The following OTOGL variants were observed in gnomAD, a reference collection of about 807,000 sequenced individuals.
The protein encoded by OTOGL is otogelin-like protein.
Under a neutral mutation model 318.5 loss-of-function variants are expected in OTOGL, and 285 were observed. The observed-to-expected ratio is 0.89, with a 90% CI of 0.81 to 0.99. The LOEUF (loss-of-function observed/expected upper bound fraction) is 0.99, where lower values mean the gene tolerates loss of function less well. Ranked by LOEUF, OTOGL falls within the 50% of genes least tolerant of loss-of-function variation. OTOGL has a pLI of 0.00. For synonymous variants in OTOGL, 987 were observed against 936.5 expected (o/e 1.05, Z -0.99); for missense variants, 2,899 against 2,845.6 (o/e 1.02, Z -0.43).
chr12:80,155,171 G>A (rs1306256694), intron 1 of OTOGL, among the ~76,000 whole-genome samples: 1 of 152,018 alleles, frequency 6.6e-6, no homozygotes, highest in Non-Finnish European at 1.5e-5. Flanking sequence ...GTATATTTTG[G>A]ATAACAATTC....
At chr12:80,300,446 G>A (rs374953100) in intron 27 of OTOGL, among the ~76,000 whole-genome samples, 19 of 152,176 alleles carry the variant, frequency 1.2e-4, no homozygotes, top group African/African-American at 2.9e-4. Context: ...GAGATTGGGC[G>A]GACAGCAGGA....
Position 80,358,890 on chromosome 12 carries a change from C to T in OTOGL, c.6257C>T (p.Thr2086Ile). ...ECNCENLIMP[T>I]CEVGEFTAID... ...AACTGTGAAAACCTTATTATGCCAA[C>T]TTGTGAAGTGGTAAGAACACATATT... Residue 2086 changes from threonine to isoleucine, a missense_variant, in exon 52 of 59, where the codon ACT becomes ATT. Physicochemically the swap from Thr to Ile is moderately conservative, Grantham distance 89 (BLOSUM62 -1). Coordinates refer to ENST00000547103, the MANE Select transcript of OTOGL (RefSeq NM_001378609.3). 6.7e-7 allele frequency: 1 copy of T among 1,496,576 alleles called. No individual in the cohort carries two copies. Among genetic ancestry groups the T allele is most frequent in the Non-Finnish European group, 9.0e-7 (1 of 1,111,260 alleles). 92.7% of individuals were successfully genotyped at this position (1,496,576 alleles called of 1,614,324 possible).
At chr12:80,158,564 A>G (rs1873280885) in intron 1 of OTOGL, among the ~76,000 whole-genome samples, 2 of 152,078 alleles carry the variant, frequency 1.3e-5, no homozygotes, top group African/African-American at 4.8e-5. Context: ...ATTTATATGT[A>G]CATTATATAT....
intron 52 of OTOGL, among the ~76,000 whole-genome samples, chr12:80,365,402 T>C (rs1430188785): frequency 6.6e-6 from 1 of 152,034 alleles, no homozygotes; most frequent in Non-Finnish European, 1.5e-5. Flanking sequence ...AAAAGCATAA[T>C]TGAATACGTG....
chr12:80,144,311 T>A (rs1208832697), intron 1 of OTOGL, among the ~76,000 whole-genome samples: 1 of 151,730 alleles, frequency 6.6e-6, no homozygotes, highest in Non-Finnish European at 1.5e-5. Context: ...CGGTGTTTGG[T>A]TTTTTGTTCT....
chr12:80,338,475 T>G (rs1334287775), intron 42 of OTOGL, among the ~76,000 whole-genome samples: 2 of 152,080 alleles, frequency 1.3e-5, no homozygotes, highest in African/African-American at 4.8e-5. Context: ...ATTGCCATTA[T>G]TTAAAGCACC....
At chr12:80,267,097 TG>T (rs1883036762) in intron 21 of OTOGL, among the ~76,000 whole-genome samples, 155 bp from the exon 22 acceptor site, 1 of 152,192 alleles carries the variant, frequency 6.6e-6, no homozygotes, top group Admixed American at 6.5e-5. Context: ...AAGCAGCTTT[TG>T]CCATTTGTGT....
intron 4 of OTOGL, among the ~76,000 whole-genome samples, chr12:80,213,329 A>G (rs1015896826): frequency 2.0e-5 from 3 of 152,218 alleles, no homozygotes; most frequent in Non-Finnish European, 4.4e-5. Context: ...GAGGACAACC[A>G]GAGGTTACTT....
At position 80,108,056 on chromosome 12, in the gene OTOGL, T is replaced by C. The variant is rs910592790; in HGVS notation, c.-20+8451T>C. ...ACACCAAACCCCATGACACGCAGTT[T>C]ACCTATTTAACAAACCTGCACATGT... On this transcript the variant is annotated intron_variant, in intron 1 of 58. Transcript: ENST00000547103. Among the ~76,000 whole-genome samples, 3 of 152,246 alleles carry C rather than the reference T, an allele frequency of 2.0e-5. No individual in the cohort carries two copies. In the East Asian group the frequency reaches 5.8e-4, roughly 29 times the overall value.
chr12:80,323,803 AG>A lies in OTOGL; in HGVS notation c.4163del (p.Ser1388MetfsTer6). 1 of 1,613,668 alleles carries A rather than the reference AG, an allele frequency of 6.2e-7. No homozygotes were observed. The highest frequency in any genetic ancestry group is 8.5e-7 in the Non-Finnish European group (1 of 1,179,542). ...TGCTACACCCTGTTTTAAAACATGT[AG>A]TGACCCTGAAGCACTAGCATGTAAA... The part of the protein sequence containing the change: ...PCATPCFKTC[S>X]DPEALACKFL... On this transcript the variant is annotated frameshift_variant, in exon 35 of 59. Transcript: ENST00000547103. LOFTEE classifies it high-confidence loss of function.
At chr12:80,267,537 T>C (rs1437240457) in intron 22 of OTOGL, among the ~76,000 whole-genome samples, 2 of 149,744 alleles carry the variant, frequency 1.3e-5, no homozygotes, top group Non-Finnish European at 3.0e-5. Context: ...TGAGTATATC[T>C]CCTAATGCTA....
At chr12:80,101,576 A>G (rs1357532302) in intron 1 of OTOGL, among the ~76,000 whole-genome samples, 1 of 152,236 alleles carries the variant, frequency 6.6e-6, no homozygotes, top group Non-Finnish European at 1.5e-5. Context: ...TAACATATTC[A>G]TCATGTAGAG....
chr12:80,366,530 T>TATAA (rs201357228), intron 52 of OTOGL, 44 bp from the exon 53 acceptor site: 9 of 355,358 alleles, frequency 2.5e-5, no homozygotes, highest in African/African-American at 1.7e-4. Flanking sequence ...TATATATATA[T>TATAA]AAAATAAGCT....
intron 34 of OTOGL, among the ~76,000 whole-genome samples, chr12:80,323,141 C>T (rs1292412592): frequency 3.0e-5 from 2 of 66,792 alleles, no homozygotes; most frequent in Non-Finnish European, 6.4e-5. Context: ...CACACACACA[C>T]ACACACATAT....
chr12:80,350,147 C>T (rs1270831923), intron 44 of OTOGL, among the ~76,000 whole-genome samples: 3 of 152,176 alleles, frequency 2.0e-5, no homozygotes, highest in African/African-American at 7.2e-5. Flanking sequence ...TGAGTGAGAT[C>T]ATGTAGTATT....
chr12:80,294,184 A>T (rs1048177728), intron 26 of OTOGL, among the ~76,000 whole-genome samples: 2 of 152,118 alleles, frequency 1.3e-5, no homozygotes, highest in African/African-American at 4.8e-5. Context: ...AACTTGAAAT[A>T]CATTAGAAAT....
chr12:80,378,521 T>C lies in OTOGL; in HGVS notation c.*473T>C, dbSNP rs1451093. On this transcript the variant is annotated 3_prime_UTR_variant, in exon 59 of 59. Coordinates refer to ENST00000547103, the MANE Select transcript of OTOGL (RefSeq NM_001378609.3). ...AAAGAGTGATATGCTTAGAGATAGA[T>C]AATGGATTATTTAAAACCTGAATGG... 6.5e-6 allele frequency: 1 copy of C among 154,164 alleles called. No individual in the cohort carries two copies. Among genetic ancestry groups the C allele is most frequent in the Admixed American group, 6.4e-5 (1 of 15,684 alleles). 9.5% of individuals were successfully genotyped at this position (154,164 alleles called of 1,614,324 possible).
At chr12:80,101,508 C>T (rs767987693) in intron 1 of OTOGL, among the ~76,000 whole-genome samples, 1 of 152,140 alleles carries the variant, frequency 6.6e-6, no homozygotes, top group Non-Finnish European at 1.5e-5. Flanking sequence ...TCTATCACAA[C>T]TGCATTATAA....
At chr12:80,102,847 C>CT (rs1381070550) in intron 1 of OTOGL, 15 of 710,608 alleles carry the variant, frequency 2.1e-5, no homozygotes, top group South Asian at 4.8e-5. Flanking sequence ...TAAGGCTCTT[C>CT]TTTTTTTTCT....
Sources: gnomAD v4.1 joint callset for allele counts (sites outside exome capture counted in the v4.1 genomes callset) on GRCh38, gnomAD v4.1.1 for gene constraint, MANE v1.5 for transcripts, NCBI Gene and HGNC (gene_info 2026-07-23, HGNC 2026-07-21) for gene names.